DNAH10: variants seen among roughly 807,000 people sequenced by gnomAD.
DNAH10 encodes axonemal beta dynein heavy chain 10.
DNAH10 carries 348 observed loss-of-function variants against 506.6 expected under a neutral mutation model. That is an observed-to-expected ratio of 0.69 (90% confidence interval 0.63 to 0.75). The LOEUF is 0.75. Ranked by LOEUF, DNAH10 falls within the 30% of genes least tolerant of loss-of-function variation. DNAH10 has a pLI of 0.00. For synonymous variants in DNAH10, 2,059 were observed against 2,198.6 expected, an observed-to-expected ratio of 0.94 and a Z score of 1.78; for missense variants, 5,179 against 5,787.1, an observed-to-expected ratio of 0.89 and a Z score of 3.41.
intron 54 of DNAH10, among the ~76,000 whole-genome samples, chr12:123,897,376 T>A (rs1193898823): frequency 6.6e-6 from 1 of 152,240 alleles, no homozygotes; most frequent in Non-Finnish European, 1.5e-5. Flanking sequence ...GTGGAATTGT[T>A]GAGTCATATA....
In DNAH10 at chr12:123,849,066, G is replaced by C. The variant is rs191023812; in HGVS notation, c.6102+184G>C. ...CAAAATTATCATCATTGATGATAAG[G>C]TTTGTAATAGTCCAAGGACTTCACA... On this transcript the variant is annotated intron_variant, in intron 34 of 78. Coordinates refer to ENST00000673944, the MANE Select transcript of DNAH10 (RefSeq NM_001372106.1). Among the ~76,000 whole-genome samples the C allele has an allele frequency of 1.7e-3, 252 of 152,250 alleles. 2 individuals carry two copies. The highest frequency in any genetic ancestry group is 5.8e-3 in the African/African-American group (243 of 41,550).
At chr12:123,900,126 G>A (rs771022075) in intron 56 of DNAH10, among the ~76,000 whole-genome samples, 112 of 152,214 alleles carry the variant, frequency 7.4e-4, no homozygotes, top group Non-Finnish European at 1.3e-3. Flanking sequence ...AAGAATATCC[G>A]TACCACTTCT....
chr12:123,842,071 C>G lies in DNAH10; in HGVS notation c.5360+526C>G, dbSNP rs1307072317. Among the ~76,000 whole-genome samples, 3 of 152,288 alleles carry G rather than the reference C, an allele frequency of 2.0e-5. No individual in the cohort carries two copies. In the East Asian group the frequency reaches 5.8e-4, roughly 29 times the overall value. On this transcript the variant is annotated intron_variant, in intron 30 of 78. Transcript: ENST00000673944. ...GATGCAGTACTCTCAAAGTGTGCCC[C>G]CTGGTGGCAGCACAGGGCCCCTGGG...
chr12:123,864,798 A>G, intron 40 of DNAH10, 68 bp downstream of exon 40: 1 of 1,516,986 alleles, frequency 6.6e-7, no homozygotes, highest in South Asian at 1.3e-5. Flanking sequence ...AATGTTTGTT[A>G]AAGTAGTAGT....
At position 123,850,725 on chromosome 12, in the gene DNAH10, G is replaced by A. The variant is rs1322286914; in HGVS notation, c.6103-163G>A. 6.6e-6 allele frequency among the ~76,000 whole-genome samples: 1 copy of A among 152,172 alleles called. No individual in the cohort carries two copies. The highest frequency in any genetic ancestry group is 1.9e-4 in the East Asian group (1 of 5,186). On this transcript the variant is annotated intron_variant, in intron 34 of 78. Coordinates refer to ENST00000673944, the MANE Select transcript of DNAH10 (RefSeq NM_001372106.1). This position sits in a 1 kb window ranked among gnomAD's most constrained non-coding sequence, Gnocchi z 5.5. ...CCTCCCCAAGGCCTTCAGCGAGGGG[G>A]GCCCTGCATTGAACACCGGGGAGGG...
intron 59 of DNAH10, among the ~76,000 whole-genome samples, chr12:123,912,849 G>C (rs112772143): frequency 0.01 from 1,592 of 152,320 alleles, 12 homozygotes; most frequent in Middle Eastern, 0.031. Context: ...ATCTTACGGA[G>C]ACCTCAGTAC....
At position 123,803,799 on chromosome 12, in the gene DNAH10, C is replaced by A. The variant is rs758844761; in HGVS notation, c.2753C>A (p.Ala918Asp). The A allele has an allele frequency of 4.3e-6, 7 of 1,610,690 alleles. No individual in the cohort carries two copies. The East Asian group carries it at 1.3e-4, about 31-fold the overall frequency. ...GCCATAAATCTCTTTAAATATCCAG[C>A]CGCTAAAAGTGAGGAAGAACTCCCA... ...IEAINLFKYPAAKSEEELPGV... is the reference protein window; with the variant it reads ...IEAINLFKYPDAKSEEELPGV... Residue 918 changes from alanine to aspartate, a missense_variant, in exon 17 of 79, where the codon GCC (alanine) becomes GAC (aspartate). Physicochemically the swap from Ala to Asp is moderately radical, Grantham distance 126 (BLOSUM62 -2). This residue lies in a region of DNAH10 where 4,844 missense variants were observed against 5,430.5 expected (regional missense o/e 0.89). Transcript: ENST00000673944.
chr12:123,868,357 T>G (rs1322659559), intron 43 of DNAH10, among the ~76,000 whole-genome samples: 2 of 152,196 alleles, frequency 1.3e-5, no homozygotes, highest in African/African-American at 4.8e-5. Flanking sequence ...AGAGTCAACT[T>G]CTCTTGCCTC....
Position 123,926,977 on chromosome 12 carries a change from C to A in DNAH10, c.12105+157C>A. ...CAGTAATGAAACACTGGGAAGATGA[C>A]AATAATAGTTATGATTTCACAACCT... is the stretch of plus-strand genomic sequence containing the variant. On this transcript the variant is annotated intron_variant, in intron 69 of 78. Coordinates refer to ENST00000673944, the MANE Select transcript of DNAH10 (RefSeq NM_001372106.1). The surrounding 1 kb of genome is among the most constrained non-coding windows in gnomAD (Gnocchi z 4.1). 2 of 759,120 alleles carry A rather than the reference C, an allele frequency of 2.6e-6. No homozygotes were observed. The highest frequency in any genetic ancestry group is 1.8e-5 in the South Asian group (1 of 54,214). 47.0% of individuals were successfully genotyped at this position (759,120 alleles called of 1,614,324 possible).
chr12:123,896,423 C>T (rs1953247790), intron 54 of DNAH10, among the ~76,000 whole-genome samples: 1 of 152,162 alleles, frequency 6.6e-6, no homozygotes, highest in African/African-American at 2.4e-5. Flanking sequence ...ATTTAACAAC[C>T]TATCAGATAA....
chr12:123,823,223 A>G (rs1959606215), intron 24 of DNAH10, among the ~76,000 whole-genome samples: 1 of 152,174 alleles, frequency 6.6e-6, no homozygotes, highest in Admixed American at 6.5e-5. Context: ...GGAGATTTGA[A>G]GTTGTGTCTT....
intron 65 of DNAH10, among the ~76,000 whole-genome samples, chr12:123,921,426 T>C (rs1954717070): frequency 2.6e-5 from 4 of 152,258 alleles, no homozygotes; most frequent in Admixed American, 1.3e-4. Flanking sequence ...TTTCCAAAGT[T>C]CACTTGGGTG....
intron 28 of DNAH10, among the ~76,000 whole-genome samples, chr12:123,837,918 G>T (rs577774269): frequency 2.0e-4 from 30 of 152,024 alleles, no homozygotes; most frequent in African/African-American, 6.3e-4. Flanking sequence ...AATGTCACTG[G>T]CTATTTTTAT....
Position 123,916,205 on chromosome 12 carries a change from G to T in DNAH10, c.10723-252G>T, listed in dbSNP as rs1954470456. On this transcript the variant is annotated intron_variant, in intron 62 of 78. Transcript: ENST00000673944. This position sits in a 1 kb window ranked among gnomAD's most constrained non-coding sequence, Gnocchi z 4.6. ...CTACCCTCTCTCTTAAAGAGGAGGGGTTCTAGCTTACGGGAGAGGGGCTGA... is the reference window on the plus strand; with the variant it reads ...CTACCCTCTCTCTTAAAGAGGAGGGTTTCTAGCTTACGGGAGAGGGGCTGA... 6.6e-6 allele frequency among the ~76,000 whole-genome samples: 1 copy of T among 152,156 alleles called. No homozygotes were observed.
intron 50 of DNAH10, 74 bp from the exon 51 acceptor site, chr12:123,881,551 G>C: frequency 7.3e-7 from 1 of 1,363,158 alleles, no homozygotes; most frequent in Non-Finnish European, 9.8e-7. Context: ...CTGGATATTA[G>C]CCCTTTGTCA....
At chr12:123,856,009 TTTATA>T (rs1951372010) in intron 36 of DNAH10, among the ~76,000 whole-genome samples, 1 of 148,752 alleles carries the variant, frequency 6.7e-6, no homozygotes, top group Non-Finnish European at 1.5e-5. Context: ...CATATTTACA[TTTATA>T]TTATTTATAT....
intron 19 of DNAH10, 106 bp from the exon 20 acceptor site, chr12:123,813,058 G>C (rs1051816894): frequency 3.8e-5 from 28 of 744,336 alleles, no homozygotes; most frequent in Admixed American, 2.6e-4. Context: ...TAATAATAAA[G>C]TGATTTTCCA....
At position 123,879,695 on chromosome 12, in the gene DNAH10, T is replaced by G. The variant is rs1424386231; in HGVS notation, c.8528T>G (p.Met2843Arg). ...EHFKDDVEVV[M>R]RDPILFGDFQ... ...TTTAAAGATGACGTGGAGGTGGTGA[T>G]GAGGGATCCCATATTGTTTGGAGAC... The change falls in exon 50 of 79, where the codon ATG becomes AGG. Residue 2843 changes from methionine to arginine, a missense_variant. This residue lies in a region of DNAH10 where 4,844 missense variants were observed against 5,430.5 expected (regional missense o/e 0.89). Transcript: ENST00000673944. 6.2e-7 allele frequency: 1 copy of G among 1,613,920 alleles called. No individual in the cohort carries two copies. Among genetic ancestry groups the G allele is most frequent in the Admixed American group, 1.7e-5 (1 of 60,016 alleles).
In DNAH10 at chr12:123,917,874, T is replaced by C; in HGVS notation, c.11232+61T>C. 1 of 1,501,636 alleles carries C rather than the reference T, an allele frequency of 6.7e-7. No individual in the cohort carries two copies. The highest frequency in any genetic ancestry group is 9.0e-7 in the Non-Finnish European group (1 of 1,108,268). 93.0% of individuals were successfully genotyped at this position (1,501,636 alleles called of 1,614,324 possible). A position where few individuals can be genotyped will look rare whatever the true frequency, so the allele number is the denominator to read the frequency against. On this transcript the variant is annotated intron_variant, in intron 64 of 78. Coordinates refer to ENST00000673944, the MANE Select transcript of DNAH10 (RefSeq NM_001372106.1). This position sits in a 1 kb window ranked among gnomAD's most constrained non-coding sequence, Gnocchi z 5.6. ...GGGGCCTGCATGCGCCGTTGGAGCGTCCATTTCTCTGTCTGCTCAATGAGA... is the reference window on the plus strand; with the variant it reads ...GGGGCCTGCATGCGCCGTTGGAGCGCCCATTTCTCTGTCTGCTCAATGAGA...
Sources: allele counts gnomAD v4.1 joint callset (sites outside exome capture counted in the v4.1 genomes callset), GRCh38; gene constraint gnomAD v4.1.1; regional missense constraint gnomAD v4.1.1; non-coding constraint Gnocchi (gnomAD v3.1); transcripts MANE v1.5; gene names NCBI Gene and HGNC (gene_info 2026-07-23, HGNC 2026-07-21).